The following FNDC1 variants were observed in gnomAD, a reference collection of about 807,000 sequenced individuals.
FNDC1 encodes the protein fibronectin type III domain containing 1, also known as fibronectin type III domain-containing protein 1.
A neutral mutation model predicts 168.0 loss-of-function variants in FNDC1; 96 were observed. The ratio of observed to expected loss-of-function variants is 0.57; its 90% CI spans 0.48 to 0.68. FNDC1 has a LOEUF of 0.68. Among genes scored for constraint, FNDC1 ranks in the 30% least tolerant of loss-of-function variants. The pLI, the probability that FNDC1 is intolerant of heterozygous loss-of-function variation, is 0.00. For missense variants in FNDC1, 2,587 were observed against 2,482.1 expected (o/e 1.04, Z -0.90); for synonymous variants, 1,099 against 1,025.9 (o/e 1.07, Z -1.36).
chr6:159,267,984 GA>G, intron 22 of FNDC1, 58 bp downstream of exon 22: 1 of 1,559,518 alleles, frequency 6.4e-7, no homozygotes, highest in Non-Finnish European at 8.7e-7. Context: ...AGGATTAATA[GA>G]GGGGGAAAAT....
At chr6:159,235,317 A>AT (rs11307391) in intron 11 of FNDC1, among the ~76,000 whole-genome samples, 53 of 149,558 alleles carry the variant, frequency 3.5e-4, no homozygotes, top group South Asian at 8.5e-4. Flanking sequence ...GAATGAATGT[A>AT]TTTTTTTTTT....
intron 14 of FNDC1, among the ~76,000 whole-genome samples, chr6:159,244,732 C>A (rs1226775793): frequency 1.3e-5 from 2 of 152,120 alleles, no homozygotes; most frequent in African/African-American, 2.4e-5. Flanking sequence ...GAAGTGGGGG[C>A]AGTTTTATGT....
At chr6:159,265,072 G>T in intron 20 of FNDC1, 68 bp downstream of exon 20, 1 of 1,345,130 alleles carries the variant, frequency 7.4e-7, no homozygotes, top group Non-Finnish European at 1.0e-6. Context: ...TGAGATTGTT[G>T]TGATTACTCA....
chr6:159,214,818 C>T (rs1782675720), intron 4 of FNDC1, 127 bp from the exon 5 acceptor site: 2 of 746,436 alleles, frequency 2.7e-6, no homozygotes, highest in South Asian at 1.8e-5. Flanking sequence ...GAATTAGTTA[C>T]CAAGAAATGC....
chr6:159,238,789 G>A, intron 13 of FNDC1, 124 bp downstream of exon 13: 1 of 652,466 alleles, frequency 1.5e-6, no homozygotes, highest in South Asian at 2.1e-5. Flanking sequence ...TTACCCATGT[G>A]AGAAGAAGAG....
intron 11 of FNDC1, 54 bp from the exon 12 acceptor site, chr6:159,236,161 C>T (rs551189372): frequency 7.5e-6 from 10 of 1,327,894 alleles, no homozygotes; most frequent in Admixed American, 3.7e-5. Context: ...AGCCAACTTC[C>T]CGGGCATGTT....
intron 9 of FNDC1, among the ~76,000 whole-genome samples, chr6:159,227,335 G>C (rs1782974791): frequency 1.3e-5 from 2 of 152,174 alleles, no homozygotes; most frequent in South Asian, 4.1e-4. Context: ...TTTTATTCAA[G>C]AAAGAAATAA....
intron 11 of FNDC1, among the ~76,000 whole-genome samples, chr6:159,234,967 T>G (rs1783213577): frequency 6.6e-6 from 1 of 152,246 alleles, no homozygotes; most frequent in Non-Finnish European, 1.5e-5. Flanking sequence ...GCTTATCTTG[T>G]TCTTGTCTTT....
chr6:159,256,146 G>A (rs966229970), intron 17 of FNDC1, among the ~76,000 whole-genome samples: 2 of 152,206 alleles, frequency 1.3e-5, no homozygotes, highest in South Asian at 2.1e-4. Context: ...GGGCAATGGT[G>A]TACTATCTTA....
chr6:159,256,362 T>C (rs1416802944), intron 17 of FNDC1, among the ~76,000 whole-genome samples, 161 bp from the exon 18 acceptor site: 3 of 152,208 alleles, frequency 2.0e-5, no homozygotes, highest in African/African-American at 7.2e-5. Flanking sequence ...GTACCAGTGT[T>C]ACATCCCATC....
rs531467397 is a variant in FNDC1 at position 159,264,269 on chromosome 6, T to C, written c.5255-706T>C. On this transcript the variant is annotated intron_variant, in intron 19 of 22. Coordinates refer to ENST00000297267, the MANE Select transcript of FNDC1 (RefSeq NM_032532.3). ...TGTCTCTCTAGTTTATAGGCAAACA[T>C]TCATCTGCTTCCTGTCACTATAGAT... 9.2e-5 allele frequency among the ~76,000 whole-genome samples: 14 copies of C among 152,360 alleles called. No homozygotes were observed. The East Asian group carries it at 2.7e-3, about 29-fold the overall frequency.
At chr6:159,257,267 T>A (rs1287716639) in intron 18 of FNDC1, among the ~76,000 whole-genome samples, 1 of 152,140 alleles carries the variant, frequency 6.6e-6, no homozygotes, top group Non-Finnish European at 1.5e-5. Flanking sequence ...CCTGGGTGGG[T>A]GAGCATGGGA....
intron 1 of FNDC1, among the ~76,000 whole-genome samples, chr6:159,184,170 G>A (rs1381091813): frequency 6.6e-6 from 1 of 152,178 alleles, no homozygotes; most frequent in Admixed American, 6.5e-5. Flanking sequence ...GGATCAAAGA[G>A]AAAATAGTTA....
chr6:159,269,560 A>G (rs1037748615), intron 22 of FNDC1, among the ~76,000 whole-genome samples: 1 of 149,428 alleles, frequency 6.7e-6, no homozygotes, highest in Non-Finnish European at 1.5e-5. Context: ...CCATCCATCC[A>G]TCCATCCATC....
intron 13 of FNDC1, 79 bp downstream of exon 13, chr6:159,238,744 C>T: frequency 1.0e-6 from 1 of 960,688 alleles, no homozygotes; most frequent in Non-Finnish European, 1.6e-6. Context: ...CCTTCTCCCC[C>T]TCATTTATAA....
rs1783206238 is a variant in FNDC1, at chr6:159,234,625, C to A, written c.3967+146C>A. The A allele has an allele frequency of 6.2e-6, 5 of 803,748 alleles. No individual in the cohort carries two copies. The South Asian group carries it at 7.3e-5, about 12-fold the overall frequency. 49.8% of individuals were successfully genotyped at this position (803,748 alleles called of 1,614,324 possible). On this transcript the variant is annotated intron_variant, in intron 11 of 22. Transcript: ENST00000297267. ...TTTGCACATGTGACATAATTTCATC[C>A]TCTGAACGGTCCCTAGGGTTTGCAT...
intron 4 of FNDC1, among the ~76,000 whole-genome samples, chr6:159,202,146 A>C (rs1452251189): frequency 6.6e-6 from 1 of 152,086 alleles, no homozygotes; most frequent in African/African-American, 2.4e-5. Flanking sequence ...TTTGTCATAC[A>C]TGGTGATTAA....
In FNDC1 at chr6:159,206,277, A is replaced by G. The variant is rs182090990; in HGVS notation, c.460+5696A>G. 2.6e-5 allele frequency among the ~76,000 whole-genome samples: 4 copies of G among 152,366 alleles called. No individual in the cohort carries two copies. The East Asian group carries it at 5.8e-4, about 22-fold the overall frequency. On this transcript the variant is annotated intron_variant, in intron 4 of 22. Transcript: ENST00000297267. ...CTTCTTTCCAAGTACAATTTCAATC[A>G]AAGCCTTTGGCCAATGGGGAATTAA...
chr6:159,174,747 C>G (rs1301207334), intron 1 of FNDC1, among the ~76,000 whole-genome samples: 1 of 152,204 alleles, frequency 6.6e-6, no homozygotes, highest in African/African-American at 2.4e-5. Flanking sequence ...CAGCTGGGGT[C>G]AGAAGCCCGC....
Sources: gnomAD v4.1 joint callset for allele counts (sites outside exome capture counted in the v4.1 genomes callset) on GRCh38, gnomAD v4.1.1 for gene constraint, MANE v1.5 for transcripts, NCBI Gene and HGNC (gene_info 2026-07-23, HGNC 2026-07-21) for gene names.